Variants in BACH2 observed in about 807,000 individuals in gnomAD.
BACH2 encodes the protein transcription regulator protein BACH2.
Under a neutral mutation model 61.8 loss-of-function variants are expected in BACH2, and 5 were observed. The observed-to-expected ratio is 0.08, with a 90% CI of 0.04 to 0.17. BACH2 has a LOEUF of 0.17. Ranked by LOEUF, BACH2 falls within the 10% of genes least tolerant of loss-of-function variation. The pLI, the probability that BACH2 is intolerant of heterozygous loss-of-function variation, is 1.00. For synonymous variants in BACH2, 446 were observed against 440.1 expected (o/e 1.01, Z -0.17); for missense variants, 824 against 1,091.1 (o/e 0.76, Z 3.45).
chr6:89,940,796 T>C (rs754800860), intron 7 of BACH2, among the ~76,000 whole-genome samples: 1 of 147,708 alleles, frequency 6.8e-6, no homozygotes, highest in African/African-American at 2.6e-5. Context: ...TTTAACCCAA[T>C]AGATAAAAAT....
At chr6:89,945,045 A>C (rs766505402) in intron 7 of BACH2, among the ~76,000 whole-genome samples, 13 of 152,342 alleles carry the variant, frequency 8.5e-5, no homozygotes, top group East Asian at 3.9e-4. Context: ...GGATGCAGAG[A>C]AACTGGATCC....
At chr6:89,965,453 C>G (rs1440792347) in intron 6 of BACH2, among the ~76,000 whole-genome samples, 1 of 152,222 alleles carries the variant, frequency 6.6e-6, no homozygotes, top group African/African-American at 2.4e-5. Context: ...CTACCAATAT[C>G]AAACTTGCTG....
intron 1 of BACH2, among the ~76,000 whole-genome samples, chr6:90,289,935 G>A (rs1772130074): frequency 6.6e-6 from 1 of 152,158 alleles, no homozygotes; most frequent in Non-Finnish European, 1.5e-5. Context: ...ACCTAAATAT[G>A]TTCAAAATAA....
At chr6:89,991,057 C>T (rs1776519229) in intron 6 of BACH2, among the ~76,000 whole-genome samples, 1 of 152,350 alleles carries the variant, frequency 6.6e-6, no homozygotes, top group South Asian at 2.1e-4. Flanking sequence ...TACTTTGCTT[C>T]TAGGACTTAC....
chr6:90,015,109 C>T (rs1203166137), intron 5 of BACH2, among the ~76,000 whole-genome samples: 1 of 152,134 alleles, frequency 6.6e-6, no homozygotes, highest in African/African-American at 2.4e-5. Context: ...AATATTCCTT[C>T]TAATATGGGT....
chr6:90,074,753 G>C lies in BACH2; in HGVS notation c.-13+14208C>G, dbSNP rs75259294. Among the ~76,000 whole-genome samples, 1,403 of 152,190 alleles carry C rather than the reference G, an allele frequency of 9.2e-3. 21 individuals are homozygous for C. Among genetic ancestry groups the C allele is most frequent in the African/African-American group, 0.032 (1,343 of 41,506 alleles). On this transcript the variant is annotated intron_variant, in intron 5 of 8. Transcript: ENST00000257749. The stretch of plus-strand genomic sequence containing the variant: ...GAAGCGATGGCGGGATCATTAATGG[G>C]AGATTCAGTAGGACTCAAAGCTCAA...
chr6:89,977,685 C>T (rs1291456363), intron 6 of BACH2, among the ~76,000 whole-genome samples: 1 of 152,142 alleles, frequency 6.6e-6, no homozygotes, highest in African/African-American at 2.4e-5. Flanking sequence ...TGGAGCCTAT[C>T]GCTTCTTGAG....
At chr6:90,210,328 C>T (rs1225343284) in intron 3 of BACH2, among the ~76,000 whole-genome samples, 1 of 151,654 alleles carries the variant, frequency 6.6e-6, no homozygotes, top group African/African-American at 2.4e-5. Context: ...CACACACACA[C>T]ACACACACAC....
intron 5 of BACH2, among the ~76,000 whole-genome samples, chr6:90,053,613 T>A (rs1480249128): frequency 6.6e-6 from 1 of 152,220 alleles, no homozygotes; most frequent in Non-Finnish European, 1.5e-5. Context: ...TCAGTGTAAG[T>A]CTGCTGGTGG....
chr6:90,160,693 C>G (rs760656332), intron 4 of BACH2, among the ~76,000 whole-genome samples: 9 of 152,150 alleles, frequency 5.9e-5, no homozygotes, highest in Non-Finnish European at 1.2e-4. Flanking sequence ...TATTTTCAGT[C>G]AGACTATATG....
intron 4 of BACH2, among the ~76,000 whole-genome samples, chr6:90,138,859 TG>T (rs1384561831): frequency 2.0e-5 from 3 of 152,170 alleles, no homozygotes; most frequent in African/African-American, 7.2e-5. Flanking sequence ...CTTTAATGTC[TG>T]TATGTATGTA....
chr6:90,193,075 C>T (rs146842713), intron 4 of BACH2, among the ~76,000 whole-genome samples: 140 of 152,308 alleles, frequency 9.2e-4, no homozygotes, highest in African/African-American at 3.0e-3. Context: ...GGTGCAGCCA[C>T]GTGACTAGTG....
At chr6:90,288,916 A>G (rs1772101784) in intron 1 of BACH2, among the ~76,000 whole-genome samples, 3 of 152,232 alleles carry the variant, frequency 2.0e-5, no homozygotes, top group Admixed American at 6.5e-5. Context: ...AGAGGGTAGG[A>G]GTGTGAGTTA....
At position 89,976,231 on chromosome 6, in the gene BACH2, T is replaced by C. The variant is rs1037226713; in HGVS notation, c.244-24369A>G. Among the ~76,000 whole-genome samples the C allele has an allele frequency of 2.0e-5, 3 of 152,220 alleles. No homozygotes were observed. In the South Asian group the frequency reaches 6.2e-4, roughly 32 times the overall value. ...TCTGGAGAACTGGCTTGGGTGCTCTTTGTACGCAAGAGCGTGAAGCCGGAT... is the reference window on the plus strand; with the variant it reads ...TCTGGAGAACTGGCTTGGGTGCTCTCTGTACGCAAGAGCGTGAAGCCGGAT... On this transcript the variant is annotated intron_variant, in intron 6 of 8. Coordinates refer to ENST00000257749, the MANE Select transcript of BACH2 (RefSeq NM_021813.4).
intron 3 of BACH2, among the ~76,000 whole-genome samples, chr6:90,233,993 A>C (rs1770182652): frequency 6.6e-6 from 1 of 152,164 alleles, no homozygotes; most frequent in African/African-American, 2.4e-5. Context: ...TTTTCCTGTT[A>C]GTCTGAAGAG....
At chr6:90,067,991 G>T (rs1229625355) in intron 5 of BACH2, among the ~76,000 whole-genome samples, 1 of 152,020 alleles carries the variant, frequency 6.6e-6, no homozygotes, top group Admixed American at 6.6e-5. Flanking sequence ...AGGCAATGGG[G>T]ATATATCAGT....
At chr6:90,239,662 G>T (rs1397156953) in intron 3 of BACH2, among the ~76,000 whole-genome samples, 1 of 152,036 alleles carries the variant, frequency 6.6e-6, no homozygotes, top group African/African-American at 2.4e-5. Context: ...TCGTCTATAT[G>T]ACTAAGAGAT....
chr6:90,045,149 A>C (rs1431032866), intron 5 of BACH2, among the ~76,000 whole-genome samples: 2 of 152,188 alleles, frequency 1.3e-5, no homozygotes, highest in Non-Finnish European at 1.5e-5. Context: ...CACAGGGATG[A>C]AAGGGCACAG....
intron 4 of BACH2, among the ~76,000 whole-genome samples, chr6:90,185,321 A>C (rs1768318217): frequency 6.6e-6 from 1 of 152,198 alleles, no homozygotes; most frequent in Non-Finnish European, 1.5e-5. Flanking sequence ...CGAAAGCTGG[A>C]TTCTCAATTT....
Sources: gnomAD v4.1 joint callset for allele counts (sites outside exome capture counted in the v4.1 genomes callset) on GRCh38, gnomAD v4.1.1 for gene constraint, MANE v1.5 for transcripts, NCBI Gene and HGNC (gene_info 2026-07-23, HGNC 2026-07-21) for gene names.